The following STK32B variants were observed in gnomAD, a reference collection of about 807,000 sequenced individuals.
STK32B encodes the protein serine/threonine kinase 32B, also known as serine/threonine-protein kinase 32B.
STK32B carries 43 observed loss-of-function variants against 52.6 expected under a neutral mutation model. That is an observed-to-expected ratio of 0.82 (90% CI 0.64 to 1.05). STK32B has a LOEUF of 1.05. Ranked by LOEUF, STK32B falls within the 50% of genes least tolerant of loss-of-function variation. The pLI, the probability that STK32B is intolerant of heterozygous loss-of-function variation, is 0.00. For missense variants in STK32B, 621 were observed against 534.6 expected (o/e 1.16, Z -1.59); for synonymous variants, 238 against 204.3 (o/e 1.17, Z -1.41).
intron 3 of STK32B, among the ~76,000 whole-genome samples, chr4:5,240,120 G>A (rs1289941229): frequency 6.8e-6 from 1 of 147,994 alleles, no homozygotes; most frequent in Non-Finnish European, 1.5e-5. Flanking sequence ...GGTTTGACAT[G>A]TTTGACTTCC....
intron 1 of STK32B, among the ~76,000 whole-genome samples, chr4:5,102,444 C>CCTTG (rs1713842851): frequency 1.4e-4 from 7 of 49,622 alleles, no homozygotes; most frequent in East Asian, 1.2e-3. Flanking sequence ...TTGCTTCCTT[C>CCTTG]CTTCCTTCCT....
At chr4:5,358,699 A>ACGCG (rs760924835) in intron 4 of STK32B, among the ~76,000 whole-genome samples, 8 of 95,268 alleles carry the variant, frequency 8.4e-5, no homozygotes, top group African/African-American at 4.0e-4. Flanking sequence ...ATTCACACAC[A>ACGCG]TGCACACACA....
At chr4:5,272,542 C>G (rs897063101) in intron 3 of STK32B, among the ~76,000 whole-genome samples, 25 of 151,694 alleles carry the variant, frequency 1.6e-4, no homozygotes, top group African/African-American at 4.8e-4. Flanking sequence ...GGAGGATTCC[C>G]TCTTTTTCTA....
At chr4:5,265,658 A>G (rs1241684752) in intron 3 of STK32B, among the ~76,000 whole-genome samples, 1 of 152,210 alleles carries the variant, frequency 6.6e-6, no homozygotes, top group Non-Finnish European at 1.5e-5. Flanking sequence ...TTGCATATTT[A>G]TTAACTTAAA....
intron 1 of STK32B, among the ~76,000 whole-genome samples, chr4:5,099,128 G>A (rs749278): frequency 0.058 from 8,797 of 152,122 alleles, 826 homozygotes; most frequent in African/African-American, 0.2. Flanking sequence ...ACATTCCCTG[G>A]CTCATGACCT....
chr4:5,193,937 T>C (rs1447442060), intron 3 of STK32B, among the ~76,000 whole-genome samples: 3 of 152,212 alleles, frequency 2.0e-5, no homozygotes, highest in African/African-American at 4.8e-5. Context: ...CCTACTCCGC[T>C]GTCTTGGCAG....
intron 3 of STK32B, among the ~76,000 whole-genome samples, chr4:5,327,195 C>T (rs1577352576): frequency 6.6e-6 from 1 of 151,762 alleles, no homozygotes; most frequent in African/African-American, 2.4e-5. Context: ...TTCCTTCCTC[C>T]ACTGAAGTCT....
At chr4:5,191,875 A>G (rs1353372905) in intron 3 of STK32B, among the ~76,000 whole-genome samples, 1 of 152,218 alleles carries the variant, frequency 6.6e-6, no homozygotes, top group African/African-American at 2.4e-5. Flanking sequence ...CCAAATCCAT[A>G]TTAACTACTG....
intron 3 of STK32B, among the ~76,000 whole-genome samples, chr4:5,248,271 T>C (rs1725607256): frequency 6.6e-6 from 1 of 152,232 alleles, no homozygotes; most frequent in East Asian, 1.9e-4. Flanking sequence ...ATACATGTTA[T>C]TTTCTATAGT....
intron 2 of STK32B, among the ~76,000 whole-genome samples, chr4:5,163,537 GCTGTGTGT>G (rs779080882): frequency 1.2e-5 from 1 of 83,898 alleles, no homozygotes; most frequent in Admixed American, 1.3e-4. Context: ...TAGAGTGAAG[GCTGTGTGT>G]GTGTGTGTGT....
intron 3 of STK32B, among the ~76,000 whole-genome samples, chr4:5,175,473 G>T (rs937590548): frequency 1.3e-5 from 2 of 152,116 alleles, no homozygotes; most frequent in Non-Finnish European, 2.9e-5. Flanking sequence ...ATGTACAGAT[G>T]GGTTTTTGGT....
the STK32B span, among the ~76,000 whole-genome samples, chr4:5,042,469 G>A: frequency 6.6e-6 from 1 of 152,200 alleles, no homozygotes; most frequent in African/African-American, 2.4e-5. Flanking sequence ...TCTCTCTTGA[G>A]GAGACTGGAT....
chr4:5,192,164 A>T (rs1213236732), intron 3 of STK32B, among the ~76,000 whole-genome samples: 1 of 152,238 alleles, frequency 6.6e-6, no homozygotes, highest in East Asian at 1.9e-4. Flanking sequence ...CAGTTGAAGG[A>T]TCACATTGCA....
chr4:5,454,351 G>T (rs1278630258), intron 7 of STK32B, among the ~76,000 whole-genome samples: 1 of 152,118 alleles, frequency 6.6e-6, no homozygotes, highest in East Asian at 1.9e-4. Context: ...GGCAGGGCTT[G>T]TTCCTCCTGA....
chr4:5,319,601 C>G (rs919541152), intron 3 of STK32B, among the ~76,000 whole-genome samples: 4 of 152,186 alleles, frequency 2.6e-5, no homozygotes, highest in Admixed American at 6.5e-5. Context: ...AATCCATGCT[C>G]ACCACTCCTC....
intron 6 of STK32B, among the ~76,000 whole-genome samples, chr4:5,441,240 T>C (rs1303977649): frequency 1.3e-5 from 2 of 151,764 alleles, no homozygotes; most frequent in African/African-American, 4.8e-5. Context: ...GGTCCTGGAC[T>C]CTTTTTGGTT....
chr4:5,435,860 G>C (rs1403562598), intron 6 of STK32B: 1 of 152,318 alleles, frequency 6.6e-6, no homozygotes, highest in East Asian at 1.9e-4. Flanking sequence ...GAGGGAGATG[G>C]TAAGGAAGTG....
intron 11 of STK32B, among the ~76,000 whole-genome samples, chr4:5,486,571 G>A (rs778707507): frequency 9.2e-5 from 14 of 152,306 alleles, no homozygotes; most frequent in East Asian, 1.9e-4. Context: ...GCTCACGCTC[G>A]GTGCGCTGCA....
the STK32B span, among the ~76,000 whole-genome samples, chr4:5,045,745 C>T: frequency 6.6e-6 from 1 of 152,098 alleles, no homozygotes; most frequent in African/African-American, 2.4e-5. Flanking sequence ...ACGAATTTTG[C>T]ACATTGATTT....
Sources: gnomAD v4.1 joint callset for allele counts (sites outside exome capture counted in the v4.1 genomes callset) on GRCh38, gnomAD v4.1.1 for gene constraint, MANE v1.5 for transcripts, NCBI Gene and HGNC (gene_info 2026-07-23, HGNC 2026-07-21) for gene names.